The following CNTNAP2 variants were observed in gnomAD, a reference collection of about 807,000 sequenced individuals.
CNTNAP2 encodes the protein contactin-associated protein-like 2.
Under a neutral mutation model 155.2 loss-of-function variants are expected in CNTNAP2, and 98 were observed. The ratio of observed to expected loss-of-function variants is 0.63; its 90% confidence interval spans 0.54 to 0.75. The LOEUF (loss-of-function observed/expected upper bound fraction) is 0.75, where lower values mean the gene tolerates loss of function less well. CNTNAP2 is among the 30% of genes least tolerant of loss of function. CNTNAP2 has a pLI of 0.00. For missense variants in CNTNAP2, 1,727 were observed against 1,688.1 expected, an observed-to-expected ratio of 1.02 and a Z score of -0.40; for synonymous variants, 651 against 631.2, an observed-to-expected ratio of 1.03 and a Z score of -0.47.
intron 8 of CNTNAP2, among the ~76,000 whole-genome samples, chr7:147,234,629 G>C (rs777271007): frequency 6.6e-6 from 1 of 152,102 alleles, no homozygotes; most frequent in Non-Finnish European, 1.5e-5. Context: ...ATGAGCCACC[G>C]CGCCCGGCCC....
intron 1 of CNTNAP2, among the ~76,000 whole-genome samples, chr7:146,420,018 T>C (rs1016405840): frequency 1.3e-5 from 2 of 152,152 alleles, no homozygotes; most frequent in Non-Finnish European, 2.9e-5. Context: ...AAATACTTTA[T>C]TGACAGAACT....
intron 9 of CNTNAP2, among the ~76,000 whole-genome samples, chr7:147,382,097 A>G (rs1474414275): frequency 1.3e-5 from 2 of 152,170 alleles, no homozygotes; most frequent in Non-Finnish European, 2.9e-5. Context: ...TCTTGTTTAT[A>G]TATGGCATAA....
At chr7:148,063,629 T>C (rs893744774) in intron 15 of CNTNAP2, among the ~76,000 whole-genome samples, 3 of 151,620 alleles carry the variant, frequency 2.0e-5, no homozygotes, top group Non-Finnish European at 2.9e-5. Context: ...ACAGGTAGTG[T>C]TTAGTTACAT....
intron 14 of CNTNAP2, among the ~76,000 whole-genome samples, chr7:147,945,185 C>A (rs1301389567): frequency 6.6e-6 from 1 of 151,982 alleles, no homozygotes; most frequent in African/African-American, 2.4e-5. Context: ...AAGATCATAG[C>A]AAATATTTTA....
chr7:147,447,165 A>C (rs910612371), intron 10 of CNTNAP2, among the ~76,000 whole-genome samples: 4 of 152,196 alleles, frequency 2.6e-5, no homozygotes, highest in Admixed American at 1.3e-4. Context: ...ACCATGATGG[A>C]GCTAGTAGAT....
intron 3 of CNTNAP2, among the ~76,000 whole-genome samples, chr7:146,918,650 A>T (rs369665447): frequency 1.3e-4 from 20 of 152,290 alleles, no homozygotes; most frequent in South Asian, 1.2e-3. Flanking sequence ...CCTGATGACA[A>T]TGTGCCTAGG....
chr7:146,979,114 G>A (rs898461892), intron 3 of CNTNAP2, among the ~76,000 whole-genome samples: 3 of 152,068 alleles, frequency 2.0e-5, no homozygotes, highest in Admixed American at 1.3e-4. Flanking sequence ...CTTTCCCCCA[G>A]TATTGATTTT....
intron 13 of CNTNAP2, among the ~76,000 whole-genome samples, chr7:147,894,588 A>G (rs538097091): frequency 1.6e-4 from 25 of 152,314 alleles, no homozygotes; most frequent in African/African-American, 6.0e-4. Context: ...AATTGTACAT[A>G]TGATAAAACT....
chr7:147,737,381 G>T lies in CNTNAP2; in HGVS notation c.2098+98075G>T, dbSNP rs551266172. Reference sequence around the variant, plus strand: ...ATGTTGCTGCCTGATCGTTCCTCTGGAAGTTTCATCTCAGAGGGGTACCCG... The same window carrying T: ...ATGTTGCTGCCTGATCGTTCCTCTGTAAGTTTCATCTCAGAGGGGTACCCG... On this transcript the variant is annotated intron_variant, in intron 13 of 23. Transcript: ENST00000361727. Among the ~76,000 whole-genome samples, 19 of 152,248 alleles carry T rather than the reference G, an allele frequency of 1.2e-4. No individual in the cohort carries two copies. The South Asian group carries it at 3.9e-3, about 32-fold the overall frequency.
At chr7:146,208,448 G>A (rs1183605134) in intron 1 of CNTNAP2, among the ~76,000 whole-genome samples, 1 of 151,844 alleles carries the variant, frequency 6.6e-6, no homozygotes, top group African/African-American at 2.4e-5. Context: ...TTGTTCCAAT[G>A]ACTAATTAAT....
At chr7:147,876,740 C>A (rs141648166) in intron 13 of CNTNAP2, among the ~76,000 whole-genome samples, 4 of 152,044 alleles carry the variant, frequency 2.6e-5, no homozygotes, top group African/African-American at 9.6e-5. Flanking sequence ...GAAGCCTGAA[C>A]GTAGGGTGCT....
In CNTNAP2 at chr7:146,151,698, G is replaced by GTA. The variant is rs371723238; in HGVS notation, c.97+34739_97+34740dup. Among the ~76,000 whole-genome samples the GTA allele has an allele frequency of 2.6e-3, 191 of 74,070 alleles. 5 individuals carry two copies. Among genetic ancestry groups the GTA allele is most frequent in the East Asian group, 8.2e-3 (10 of 1,220 alleles). The allele number at this position is 74,070 out of a possible 152,430, so 48.6% of individuals were successfully genotyped here. A position where few individuals can be genotyped will look rare whatever the true frequency, so the allele number is the denominator to read the frequency against. ...TATATATATGTATATATATATATATGTATATATATATATATGTATATATAT... is the reference window on the plus strand; with the variant it reads ...TATATATATGTATATATATATATATGTATATATATATATATATGTATATATAT... On this transcript the variant is annotated intron_variant, in intron 1 of 23. Coordinates refer to ENST00000361727, the MANE Select transcript of CNTNAP2 (RefSeq NM_014141.6).
intron 1 of CNTNAP2, among the ~76,000 whole-genome samples, chr7:146,755,646 C>A (rs1302517132): frequency 6.6e-6 from 1 of 151,866 alleles, no homozygotes; most frequent in Non-Finnish European, 1.5e-5. Context: ...TGTGAAATGT[C>A]AAGTGATGAA....
At chr7:146,360,655 G>T (rs1795069300) in intron 1 of CNTNAP2, among the ~76,000 whole-genome samples, 2 of 152,128 alleles carry the variant, frequency 1.3e-5, no homozygotes, top group African/African-American at 4.8e-5. Context: ...TGGGTGATTT[G>T]GCCAAATATC....
intron 18 of CNTNAP2, among the ~76,000 whole-genome samples, chr7:148,194,085 C>T (rs1467880019): frequency 6.6e-6 from 1 of 151,612 alleles, no homozygotes; most frequent in African/African-American, 2.4e-5. Flanking sequence ...ATCCTCCTGC[C>T]TCAGCCTCTC....
intron 1 of CNTNAP2, among the ~76,000 whole-genome samples, chr7:146,227,444 A>AG (rs1403685730): frequency 1.5e-4 from 23 of 151,470 alleles, no homozygotes; most frequent in African/African-American, 4.8e-4. Context: ...AAAAAAAAAA[A>AG]AAAAAGAAAA....
At chr7:146,124,500 A>G (rs1298810300) in intron 1 of CNTNAP2, among the ~76,000 whole-genome samples, 1 of 152,226 alleles carries the variant, frequency 6.6e-6, no homozygotes, top group African/African-American at 2.4e-5. Context: ...TATGTCACAT[A>G]GTGAAATTAT....
intron 15 of CNTNAP2, among the ~76,000 whole-genome samples, chr7:147,993,588 C>A (rs1801752501): frequency 1.3e-5 from 2 of 152,144 alleles, no homozygotes; most frequent in Non-Finnish European, 1.5e-5. Flanking sequence ...AACTTTACAC[C>A]TTCACTTAGG....
At chr7:147,641,293 T>C (rs551938544) in intron 13 of CNTNAP2, among the ~76,000 whole-genome samples, 1 of 152,372 alleles carries the variant, frequency 6.6e-6, no homozygotes, top group African/African-American at 2.4e-5. Flanking sequence ...GTGCAAAGCC[T>C]TGTGCTAGAA....
Sources: gnomAD v4.1 joint callset for allele counts (sites outside exome capture counted in the v4.1 genomes callset) on GRCh38, gnomAD v4.1.1 for gene constraint, MANE v1.5 for transcripts, NCBI Gene and HGNC (gene_info 2026-07-23, HGNC 2026-07-21) for gene names.